TMEM132B: variants seen among roughly 807,000 people sequenced by gnomAD.
TMEM132B encodes transmembrane protein 132B.
In TMEM132B, 18 loss-of-function variants were observed where a neutral mutation model predicts 90.8. That is an observed-to-expected ratio of 0.20 (90% CI 0.14 to 0.29). The LOEUF (loss-of-function observed/expected upper bound fraction) is 0.29. Ranked by LOEUF, TMEM132B falls within the 10% of genes least tolerant of loss-of-function variation. TMEM132B has a pLI of 1.00. For synonymous variants in TMEM132B, 504 were observed against 523.3 expected (o/e 0.96, Z 0.50); for missense variants, 1,096 against 1,326.8 (o/e 0.83, Z 2.70).
intron 2 of TMEM132B, among the ~76,000 whole-genome samples, chr12:125,394,294 C>T (rs1163951397): frequency 6.6e-6 from 1 of 152,216 alleles, no homozygotes; most frequent in African/African-American, 2.4e-5. Flanking sequence ...GTTCCAGAGT[C>T]CATGCTTGAC....
chr12:125,484,115 G>A (rs922041648), intron 3 of TMEM132B, among the ~76,000 whole-genome samples: 2 of 152,116 alleles, frequency 1.3e-5, no homozygotes, highest in African/African-American at 2.4e-5. Context: ...GGCAAGGTTG[G>A]TCTCGAACTC....
chr12:125,385,315 TGA>T (rs1450648451), intron 2 of TMEM132B, among the ~76,000 whole-genome samples: 3 of 152,192 alleles, frequency 2.0e-5, no homozygotes, highest in Non-Finnish European at 2.9e-5. Flanking sequence ...AAAAACTGTG[TGA>T]GAGTTGGATA....
At chr12:125,653,318 G>A (rs1240959585) in intron 8 of TMEM132B, among the ~76,000 whole-genome samples, 1 of 152,100 alleles carries the variant, frequency 6.6e-6, no homozygotes, top group Non-Finnish European at 1.5e-5. Flanking sequence ...TTGTATGTAT[G>A]CAATAAATTA....
intron 1 of TMEM132B, among the ~76,000 whole-genome samples, chr12:125,285,597 G>C (rs557650001): frequency 6.6e-6 from 1 of 152,340 alleles, no homozygotes; most frequent in Non-Finnish European, 1.5e-5. Context: ...CTTTCCCAAA[G>C]TGAGTCAGAC....
Position 125,460,075 on chromosome 12 carries a change from G to A in TMEM132B, c.1106+44398G>A, listed in dbSNP as rs1353053640. Among the ~76,000 whole-genome samples, 5 of 152,102 alleles carry A rather than the reference G, an allele frequency of 3.3e-5. No individual in the cohort carries two copies. Reference sequence around the variant, plus strand: ...AGGTATGCCTTTATCAGCAGTGTGTGAACAGACTAATATAACCCATTTTAC... The same window carrying A: ...AGGTATGCCTTTATCAGCAGTGTGTAAACAGACTAATATAACCCATTTTAC... On this transcript the variant is annotated intron_variant, in intron 3 of 8. Transcript: ENST00000682704. This position sits in a 1 kb window ranked among gnomAD's most constrained non-coding sequence, Gnocchi z 4.4.
intron 5 of TMEM132B, chr12:125,588,099 G>T (rs535461473): frequency 2.0e-5 from 3 of 152,218 alleles, no homozygotes; most frequent in South Asian, 2.1e-4. Flanking sequence ...TCAATATAAA[G>T]AAAAAGACTG....
intron 3 of TMEM132B, among the ~76,000 whole-genome samples, chr12:125,437,621 T>G (rs966987030): frequency 2.0e-5 from 3 of 151,930 alleles, no homozygotes; most frequent in Non-Finnish European, 2.9e-5. Flanking sequence ...CTCCATATAT[T>G]GGGATGTTAT....
intron 3 of TMEM132B, among the ~76,000 whole-genome samples, chr12:125,437,866 G>A (rs1204111460): frequency 6.6e-6 from 1 of 152,174 alleles, no homozygotes; most frequent in African/African-American, 2.4e-5. Context: ...TGACGAAAAC[G>A]TTCTGGAGGT....
intron 2 of TMEM132B, among the ~76,000 whole-genome samples, chr12:125,353,089 C>T (rs1451253984): frequency 6.6e-6 from 1 of 152,192 alleles, no homozygotes; most frequent in Non-Finnish European, 1.5e-5. Flanking sequence ...TGCTGTAGAC[C>T]AAGAATGGCC....
intron 4 of TMEM132B, among the ~76,000 whole-genome samples, chr12:125,539,900 T>A (rs1363313671): frequency 6.6e-6 from 1 of 152,180 alleles, no homozygotes; most frequent in Non-Finnish European, 1.5e-5. Flanking sequence ...TGGTTTTAAT[T>A]TTCTCTTTTT....
rs531505884 is a variant in TMEM132B, at chr12:125,555,117, A to G, written c.1294-28734A>G. Among the ~76,000 whole-genome samples, 5 of 152,328 alleles carry G rather than the reference A, an allele frequency of 3.3e-5. No individual in the cohort carries two copies. The South Asian group carries it at 1.0e-3, about 32-fold the overall frequency. ...TGATTCGTGGGCTGAAGGGCTAGCA[A>G]TGAGGTTTGTACTTTATATGCTTAT... On this transcript the variant is annotated intron_variant, in intron 4 of 8. Transcript: ENST00000682704.
intron 1 of TMEM132B, among the ~76,000 whole-genome samples, chr12:125,216,888 G>A (rs1418932802): frequency 6.6e-6 from 1 of 152,182 alleles, no homozygotes; most frequent in Non-Finnish European, 1.5e-5. Context: ...TCCATTATCC[G>A]CATGCCTCCT....
intron 2 of TMEM132B, among the ~76,000 whole-genome samples, chr12:125,361,398 C>CT (rs1877953322): frequency 6.6e-6 from 1 of 152,142 alleles, no homozygotes; most frequent in Non-Finnish European, 1.5e-5. Flanking sequence ...CATGATCCCC[C>CT]ATTTCAAAGG....
chr12:125,233,677 G>A (rs955463459), intron 1 of TMEM132B, among the ~76,000 whole-genome samples: 14 of 152,346 alleles, frequency 9.2e-5, no homozygotes, highest in Non-Finnish European at 1.6e-4. Context: ...ATATCTTCTA[G>A]GACCAGGATT....
rs555950835 is a variant in TMEM132B at position 125,548,032 on chromosome 12, A to G, written c.1293+28407A>G. On this transcript the variant is annotated intron_variant, in intron 4 of 8. Transcript: ENST00000682704. ...CCTTCAAGAATGAGAGTTACTGTCT[A>G]TATACTTTCAGCCCATCCTCTGAGC... Among the ~76,000 whole-genome samples, 14 of 152,312 alleles carry G rather than the reference A, an allele frequency of 9.2e-5. 1 individual carries two copies. Among genetic ancestry groups the G allele is most frequent in the African/African-American group, 3.1e-4 (13 of 41,580 alleles).
At chr12:125,457,474 G>A (rs112300942) in intron 3 of TMEM132B, among the ~76,000 whole-genome samples, 1,913 of 152,226 alleles carry the variant, frequency 0.013, 18 homozygotes, top group Middle Eastern at 0.044. Flanking sequence ...CATAATTAAC[G>A]TCAGCCAGAA....
At chr12:125,527,217 T>TCCACCCATCCACCCTTCCAA (rs2136682198) in intron 4 of TMEM132B, among the ~76,000 whole-genome samples, 1 of 123,398 alleles carries the variant, frequency 8.1e-6, no homozygotes. Context: ...CATCCATCCA[T>TCCACCCATCCACCCTTCCAA]CCACCCATCC....
At position 125,498,195 on chromosome 12, in the gene TMEM132B, T is replaced by C. The variant is rs1282963648; in HGVS notation, c.1107-21244T>C. 1.3e-5 allele frequency among the ~76,000 whole-genome samples: 2 copies of C among 152,214 alleles called. No homozygotes were observed. The highest frequency in any genetic ancestry group is 2.9e-5 in the Non-Finnish European group (2 of 68,040). ...TCCTCTGGTTCTCTGAGGGTGTATA[T>C]TTCTATGTCCTGGTCAGAAGGCTGG... On this transcript the variant is annotated intron_variant, in intron 3 of 8. Transcript: ENST00000682704. The surrounding 1 kb of genome is among the most constrained non-coding windows in gnomAD (Gnocchi z 4.5).
intron 5 of TMEM132B, among the ~76,000 whole-genome samples, chr12:125,605,073 C>T (rs979692964): frequency 6.6e-6 from 1 of 152,128 alleles, no homozygotes; most frequent in Non-Finnish European, 1.5e-5. Flanking sequence ...TGATTCTTGG[C>T]CCATATGAAT....
Sources: gnomAD v4.1 joint callset for allele counts (sites outside exome capture counted in the v4.1 genomes callset) on GRCh38, gnomAD v4.1.1 for gene constraint, Gnocchi (gnomAD v3.1) non-coding constraint, MANE v1.5 for transcripts, NCBI Gene and HGNC (gene_info 2026-07-23, HGNC 2026-07-21) for gene names.